HAP1: variants seen among roughly 807,000 people sequenced by gnomAD.
The protein encoded by HAP1 is huntingtin-associated protein 1.
Under a neutral mutation model 60.3 loss-of-function variants are expected in HAP1, and 59 were observed. That is an observed-to-expected ratio of 0.98 (90% CI 0.79 to 1.22). The LOEUF is 1.22. Ranked by LOEUF, HAP1 falls within the 50% of genes most tolerant of loss-of-function variation. HAP1 has a pLI of 0.00. For missense variants in HAP1, 825 were observed against 785.3 expected (o/e 1.05, Z -0.60); for synonymous variants, 346 against 330.6 (o/e 1.05, Z -0.50).
intron 1 of HAP1, among the ~76,000 whole-genome samples, chr17:41,733,506 C>A: frequency 6.6e-6 from 1 of 151,702 alleles, no homozygotes; most frequent in African/African-American, 2.4e-5. Flanking sequence ...ACTGGCTCAT[C>A]ACCCCCTACC....
At position 41,734,258 on chromosome 17, in the gene HAP1, G is replaced by T. The variant is rs1196983393; in HGVS notation, c.377C>A (p.Ala126Glu). The change falls in exon 1 of 11, where the codon GCG becomes GAG. Residue 126 changes from alanine (A) to glutamate (E), a missense_variant. Ala to Glu is a moderately radical substitution (Grantham distance 107). Transcript: ENST00000347901. Reference protein sequence around the residue: ...RATGRGTGKAAGIWKTPAAYV... With the variant: ...RATGRGTGKAEGIWKTPAAYV... ...GGCGGCTGGCGTCTTCCAGATGCCC[G>T]CTGCCTTTCCAGTCCCCCGGCCAGT... is the stretch of plus-strand genomic sequence containing the variant. 7 of 1,605,238 alleles carry T rather than the reference G, an allele frequency of 4.4e-6. No individual in the cohort carries two copies. The highest frequency in any genetic ancestry group is 1.7e-5 in the Admixed American group (1 of 59,654).
In HAP1 at chr17:41,724,800, G is replaced by A. The variant is rs1555588238; in HGVS notation, c.1761C>T (p.Tyr587=). The change falls in exon 11 of 11, where the codon TAC becomes TAT. Residue 587 remains tyrosine, a synonymous_variant. Transcript: ENST00000347901. ...QQLANWQDAH[Y]RRQLRWKMLQ... ...GCATCTTCCACCTCAGCTGCCGCCT[G>A]TAATGGGCATCTTGCCAGTTGGCCA... 2.5e-6 allele frequency: 4 copies of A among 1,612,670 alleles called. No individual in the cohort carries two copies. Among genetic ancestry groups the A allele is most frequent in the Admixed American group, 1.7e-5 (1 of 60,012 alleles).
rs149023651 is a variant in HAP1 at position 41,724,949 on chromosome 17, C to G, written c.1612G>C (p.Glu538Gln). ...TCCAGTTCCACCTCCTCCCAGCCCT[C>G]GGTCTCCTCTGACACCAGCTCTGCC... ...EEAELVSEETEGWEEVELELD... is the reference protein window; with the variant it reads ...EEAELVSEETQGWEEVELELD... The change falls in exon 11 of 11, where the codon GAG (glutamate) becomes CAG (glutamine). Residue 538 changes from glutamate (E) to glutamine (Q), a missense_variant. By Grantham distance (29) the Glu-to-Gln change is conservative. Coordinates refer to ENST00000347901, the MANE Select transcript of HAP1 (RefSeq NM_177977.3). 30 of 1,612,902 alleles carry G rather than the reference C, an allele frequency of 1.9e-5. No homozygotes were observed. Among genetic ancestry groups the G allele is most frequent in the South Asian group, 3.3e-5 (3 of 91,074 alleles).
At chr17:41,721,601 T>G (rs1255455490), downstream of HAP1, 5 of 167,728 alleles carry the variant, frequency 3.0e-5, no homozygotes, top group Admixed American at 3.1e-4. Flanking sequence ...AGGGTCTTAC[T>G]CTGTCACCCA....
chr17:41,731,467 C>CCA, intron 6 of HAP1, 26 bp downstream of exon 6: 1 of 1,530,716 alleles, frequency 6.5e-7, no homozygotes, highest in Non-Finnish European at 9.1e-7. Flanking sequence ...GGACAACCCC[C>CCA]CACCCCGAGT....
intron 6 of HAP1, among the ~76,000 whole-genome samples, 161 bp from the exon 7 acceptor site, chr17:41,728,492 A>C (rs1911868441): frequency 6.6e-6 from 1 of 152,192 alleles, no homozygotes. Flanking sequence ...CATTCAAGAA[A>C]TGTTCATTGA....
chr17:41,728,274 T>C lies in HAP1; in HGVS notation c.1127A>G (p.Asn376Ser), dbSNP rs782713888. 1 of 1,613,622 alleles carries C rather than the reference T, an allele frequency of 6.2e-7. No individual in the cohort carries two copies. Among genetic ancestry groups the C allele is most frequent in the South Asian group, 1.1e-5 (1 of 91,078 alleles). ...LSEVLVLRLENYERQQQEVAR... is the reference protein window; with the variant it reads ...LSEVLVLRLESYERQQQEVAR... ...GACCTCCTGCTGCTGCCGTTCATAG[T>C]TTTCCAGCCTGAGCACCAGCACCTC... Residue 376 changes from asparagine (N) to serine (S), a missense_variant, in exon 7 of 11, where the codon AAC (asparagine) becomes AGC (serine). By Grantham distance (46) the Asn-to-Ser change is conservative. Coordinates refer to ENST00000347901, the MANE Select transcript of HAP1 (RefSeq NM_177977.3).
chr17:41,727,424 G>C, intron 8 of HAP1: 1 of 779,084 alleles, frequency 1.3e-6, no homozygotes, highest in South Asian at 1.3e-5. Context: ...TCTCCCGCAG[G>C]TCCTGCAGCT....
At position 41,730,088 on chromosome 17, in the gene HAP1, GA is replaced by G. The variant is rs371386853; in HGVS notation, c.1069+1404del. 4 of 5,318 alleles carry G rather than the reference GA, an allele frequency of 7.5e-4. 2 individuals carry two copies. The highest frequency in any genetic ancestry group is 6.3e-4 in the Non-Finnish European group (2 of 3,180). 0.3% of individuals were successfully genotyped at this position (5,318 alleles called of 1,614,324 possible). ...AAGAAAGAAAAGAAAGAAAAGAAAA[GA>G]AAAGAAAAGAAAAGAAAAGAAAAGA... On this transcript the variant is annotated intron_variant, in intron 6 of 10. Transcript: ENST00000347901.
intron 6 of HAP1, among the ~76,000 whole-genome samples, chr17:41,729,033 C>T (rs1304594855): frequency 6.6e-6 from 1 of 151,962 alleles, no homozygotes; most frequent in African/African-American, 2.4e-5. Context: ...AACTGCCGCC[C>T]GAGTCCAAGC....
rs1567783729 is a variant in HAP1, at chr17:41,730,117, G to GAAAAGAAAAGAAAAGAAAAGAAAAGA, written c.1069+1375_1069+1376insTCTTTTCTTTTCTTTTCTTTTCTTTT. The GAAAAGAAAAGAAAAGAAAAGAAAAGA allele has an allele frequency of 1.3e-4, 5 of 38,758 alleles. 1 individual carries two copies. Among genetic ancestry groups the GAAAAGAAAAGAAAAGAAAAGAAAAGA allele is most frequent in the African/African-American group, 8.4e-4 (5 of 5,940 alleles). The allele number at this position is 38,758 out of a possible 1,614,324, so 2.4% of individuals were successfully genotyped here. ...AGAAAAGAAAAGAAAAGAAAAGAAA[G>GAAAAGAAAAGAAAAGAAAAGAAAAGA]AAAGAAAGAAAAAATGAGGTCTTGC... On this transcript the variant is annotated intron_variant, in intron 6 of 10. Coordinates refer to ENST00000347901, the MANE Select transcript of HAP1 (RefSeq NM_177977.3).
downstream of HAP1, chr17:41,718,088 A>G (rs1911053042): frequency 2.2e-6 from 1 of 446,912 alleles, no homozygotes; most frequent in Non-Finnish European, 4.8e-6. Context: ...TGTATCACAC[A>G]TTTAACACAC....
chr17:41,728,537 G>A (rs541930830), intron 6 of HAP1, among the ~76,000 whole-genome samples: 147 of 152,332 alleles, frequency 9.6e-4, no homozygotes, highest in Non-Finnish European at 1.6e-3. Context: ...TGAGTGGTCA[G>A]TAAGACCCAG....
chr17:41,732,830 C>G, intron 1 of HAP1, 32 bp from the exon 2 acceptor site: 1 of 1,278,568 alleles, frequency 7.8e-7, no homozygotes. Context: ...GAGAAAAGGC[C>G]CAGCCAGGTC....
In HAP1 at chr17:41,722,699, G is replaced by A. The variant is rs1478234591; in HGVS notation, c.*2002C>T. ...ACGCACACAGGCTGACAAGCAATAG[G>A]AGATTGAGAGGTGCTGTGTGAAGGG... is the stretch of plus-strand genomic sequence containing the variant. On this transcript the variant is annotated 3_prime_UTR_variant, in exon 11 of 11. Transcript: ENST00000347901. The A allele has an allele frequency of 6.6e-6, 1 of 152,330 alleles. No homozygotes were observed. Among genetic ancestry groups the A allele is most frequent in the African/African-American group, 2.4e-5 (1 of 41,444 alleles). 9.4% of individuals were successfully genotyped at this position (152,330 alleles called of 1,614,324 possible).
downstream of HAP1, among the ~76,000 whole-genome samples, chr17:41,719,863 AAAAT>A (rs572764951): frequency 1.7e-3 from 253 of 151,956 alleles, no homozygotes; most frequent in African/African-American, 5.6e-3. Flanking sequence ...AAAATAATAA[AAAAT>A]AAAGTTGTCT....
At chr17:41,726,400 T>C (rs1555588813) in intron 9 of HAP1, among the ~76,000 whole-genome samples, 2 of 63,850 alleles carry the variant, frequency 3.1e-5, no homozygotes, top group African/African-American at 1.0e-4. Context: ...CAAGACTCCA[T>C]CTCAAAAAAC....
At chr17:41,722,259 C>G (rs1555587255), downstream of HAP1, 1 of 152,370 alleles carries the variant, frequency 6.6e-6, no homozygotes, top group Non-Finnish European at 1.5e-5. Flanking sequence ...ATACTTGTTC[C>G]TAAACCCTGT....
chr17:41,732,014 C>A lies in HAP1; in HGVS notation c.819G>T (p.Lys273Asn). ...CTTCTTCCTGTTCCTCTTCTGCCTC[C>A]TTTTCTTCCTCCTCCTCTTCTTCAT... is the stretch of plus-strand genomic sequence containing the variant. ...DEDEEEEEEE[K>N]EAEEEQEEEE... Residue 273 changes from lysine to asparagine, a missense_variant, in exon 4 of 11, where the codon AAG becomes AAT. By Grantham distance (94) the Lys-to-Asn change is moderately conservative. Transcript: ENST00000347901. 6.8e-7 allele frequency: 1 copy of A among 1,466,582 alleles called. No individual in the cohort carries two copies. Among genetic ancestry groups the A allele is most frequent in the Non-Finnish European group, 9.6e-7 (1 of 1,046,598 alleles). 90.8% of individuals were successfully genotyped at this position (1,466,582 alleles called of 1,614,324 possible).
Sources: gnomAD v4.1 joint callset for allele counts (sites outside exome capture counted in the v4.1 genomes callset) on GRCh38, gnomAD v4.1.1 for gene constraint, MANE v1.5 for transcripts, NCBI Gene and HGNC (gene_info 2026-07-23, HGNC 2026-07-21) for gene names.